The following RFX3 variants were observed in gnomAD, a reference collection of about 807,000 sequenced individuals.
RFX3 encodes the protein transcription factor RFX3.
A neutral mutation model predicts 98.6 loss-of-function variants in RFX3; 14 were observed. That is an observed-to-expected ratio of 0.14 (90% CI 0.09 to 0.22). The LOEUF (loss-of-function observed/expected upper bound fraction) is 0.22, where lower values mean the gene tolerates loss of function less well. Among genes scored for constraint, RFX3 ranks in the 10% least tolerant of loss-of-function variants. RFX3 has a pLI of 1.00. For synonymous variants in RFX3, 383 were observed against 328.4 expected (o/e 1.17, Z -1.80); for missense variants, 639 against 926.9 (o/e 0.69, Z 4.03).
At chr9:3,388,704 C>T (rs2131825419) in intron 2 of RFX3, among the ~76,000 whole-genome samples, 1 of 152,138 alleles carries the variant, frequency 6.6e-6, no homozygotes, top group Admixed American at 6.6e-5. Flanking sequence ...GAAACAAACT[C>T]TCTGAGTCCC....
At chr9:3,284,897 C>T (rs972401676) in intron 7 of RFX3, among the ~76,000 whole-genome samples, 1 of 151,672 alleles carries the variant, frequency 6.6e-6, no homozygotes, top group African/African-American at 2.4e-5. Context: ...CGACTCATGG[C>T]TATGTTCCAT....
intron 4 of RFX3, among the ~76,000 whole-genome samples, chr9:3,309,070 C>A (rs1027202279): frequency 1.3e-5 from 2 of 152,114 alleles, no homozygotes; most frequent in Non-Finnish European, 2.9e-5. Context: ...CAAACAATCA[C>A]CTGGCCTTTG....
chr9:3,422,332 T>C (rs1843519085), intron 1 of RFX3, among the ~76,000 whole-genome samples: 1 of 152,206 alleles, frequency 6.6e-6, no homozygotes, highest in Admixed American at 6.5e-5. Flanking sequence ...TGTGTTGCTG[T>C]TGTTGGTAAT....
chr9:3,334,853 T>C lies in RFX3; in HGVS notation c.216-4336A>G, dbSNP rs192134749. Among the ~76,000 whole-genome samples, 223 of 152,120 alleles carry C rather than the reference T, an allele frequency of 1.5e-3. 1 individual carries two copies. The highest frequency in any genetic ancestry group is 5.0e-3 in the African/African-American group (207 of 41,502). ...TCCTTAGCTGGGCCAGGCGCGGTGG[T>C]TCATGCCCATAATCCCAGCACTTTG... On this transcript the variant is annotated intron_variant, in intron 3 of 16. Transcript: ENST00000617270.
Position 3,493,508 on chromosome 9 carries a change from C to T in RFX3, c.-9+32239G>A, listed in dbSNP as rs572511319. ...GACCATTCTGGCTAACATGGTGAAA[C>T]CCCATCTCTACTAAAAATACAAAAA... On this transcript the variant is annotated intron_variant, in intron 1 of 16. Transcript: ENST00000617270. Among the ~76,000 whole-genome samples the T allele has an allele frequency of 6.1e-4, 93 of 151,742 alleles. 1 individual carries two copies. The highest frequency in any genetic ancestry group is 3.3e-3 in the Admixed American group (50 of 15,214).
chr9:3,415,524 T>C (rs1192970707), intron 1 of RFX3, among the ~76,000 whole-genome samples: 4 of 152,132 alleles, frequency 2.6e-5, no homozygotes, highest in Non-Finnish European at 4.4e-5. Context: ...TGAAGGCAGG[T>C]TGCTGCTGTT....
At chr9:3,348,370 T>C (rs1323449809) in intron 2 of RFX3, among the ~76,000 whole-genome samples, 1 of 152,086 alleles carries the variant, frequency 6.6e-6, no homozygotes, top group Non-Finnish European at 1.5e-5. Context: ...AGTGGAGTCA[T>C]ATGTTGCCAC....
chr9:3,456,323 C>A (rs7861259), intron 1 of RFX3, among the ~76,000 whole-genome samples: 2 of 152,148 alleles, frequency 1.3e-5, no homozygotes, highest in Non-Finnish European at 2.9e-5. Flanking sequence ...TCCACTTGAT[C>A]CGTGGCTAGT....
intron 7 of RFX3, among the ~76,000 whole-genome samples, chr9:3,281,854 A>G (rs1381543581): frequency 6.6e-6 from 1 of 151,792 alleles, no homozygotes; most frequent in African/African-American, 2.4e-5. Context: ...AAACAGTCCA[A>G]TGGAAGGCAA....
rs905282947 is a variant in RFX3, at chr9:3,225,829, A to G, written c.2012-549T>C. On this transcript the variant is annotated intron_variant, in intron 16 of 16. Transcript: ENST00000617270. The stretch of plus-strand genomic sequence containing the variant: ...GGCACTCATCAATGTCACAGTATTA[A>G]ATAAACCCTTAATTTTTATTATAAA... Among the ~76,000 whole-genome samples, 4 of 152,174 alleles carry G rather than the reference A, an allele frequency of 2.6e-5. No individual in the cohort carries two copies. In the South Asian group the frequency reaches 8.3e-4, roughly 31 times the overall value.
chr9:3,426,956 A>G (rs954750614), intron 1 of RFX3, among the ~76,000 whole-genome samples: 5 of 152,012 alleles, frequency 3.3e-5, no homozygotes, highest in Non-Finnish European at 4.4e-5. Flanking sequence ...CCTGGTGCCA[A>G]AAAGGTTGGG....
At chr9:3,270,778 T>G (rs544869691) in intron 10 of RFX3, 1 of 681,282 alleles carries the variant, frequency 1.5e-6, no homozygotes, top group African/African-American at 1.8e-5. Context: ...TCCATGAGGA[T>G]GAAATAACTA....
At chr9:3,435,325 T>G (rs1587668317) in intron 1 of RFX3, among the ~76,000 whole-genome samples, 1 of 152,112 alleles carries the variant, frequency 6.6e-6, no homozygotes, top group South Asian at 2.1e-4. Flanking sequence ...ACAAATACAC[T>G]GTACAGCTGT....
At chr9:3,263,513 G>A (rs1307172578) in intron 12 of RFX3, among the ~76,000 whole-genome samples, 1 of 152,088 alleles carries the variant, frequency 6.6e-6, no homozygotes, top group Non-Finnish European at 1.5e-5. Context: ...AATAAAAAGA[G>A]ATCTGGACAT....
Position 3,263,022 on chromosome 9 carries a change from G to C in RFX3, c.1518C>G (p.Ala506=), listed in dbSNP as rs138397915. 20 of 1,613,868 alleles carry C rather than the reference G, an allele frequency of 1.2e-5. No homozygotes were observed. The highest frequency in any genetic ancestry group is 1.7e-5 in the Non-Finnish European group (20 of 1,179,812). ...LRRYTSLNHL[A]QAARAVLQNT... ...TCTGAAGCACTGCACGAGCTGCCTG[G>C]GCCAGGTGATTAAGCGACGTGTATC... The change falls in exon 13 of 17, where the codon GCC becomes GCG. Residue 506 remains alanine (A), a synonymous_variant. Coordinates refer to ENST00000617270, the MANE Select transcript of RFX3 (RefSeq NM_001282116.2).
At position 3,270,517 on chromosome 9, in the gene RFX3, C is replaced by G; in HGVS notation, c.1211G>C (p.Ser404Thr). 6.2e-7 allele frequency: 1 copy of G among 1,612,650 alleles called. No homozygotes were observed. The highest frequency in any genetic ancestry group is 1.3e-5 in the African/African-American group (1 of 74,984). Residue 404 changes from serine (S) to threonine (T), a missense_variant, in exon 11 of 17, where the codon AGT becomes ACT. Physicochemically the swap from Ser to Thr is moderately conservative, Grantham distance 58. Around this residue, in one of 9 missense-constraint regions of RFX3, gnomAD observed 30 missense variants for 23.0 expected, o/e 1.30. Transcript: ENST00000617270. ...GTTITESSNL[S>T]EIESRLPKAK... ...TTTCGGAAGTCGACTTTCTATTTCA[C>G]TCAGATTGCTGGTGTGAATAAATGT...
At chr9:3,457,821 G>T (rs1421589365) in intron 1 of RFX3, among the ~76,000 whole-genome samples, 1 of 151,926 alleles carries the variant, frequency 6.6e-6, no homozygotes. Flanking sequence ...CACCAAACTA[G>T]AGTAAAGAAT....
intron 1 of RFX3, among the ~76,000 whole-genome samples, chr9:3,458,263 C>T (rs1426611719): frequency 6.6e-6 from 1 of 152,162 alleles, no homozygotes. Context: ...GAAGCAAGTG[C>T]TGTCTACAGA....
At position 3,305,180 on chromosome 9, in the gene RFX3, T is replaced by A. The variant is rs554316991; in HGVS notation, c.475-3560A>T. On this transcript the variant is annotated intron_variant, in intron 4 of 16. Coordinates refer to ENST00000617270, the MANE Select transcript of RFX3 (RefSeq NM_001282116.2). ...TTTGGGAAATGGCAAGAAACCTAGT[T>A]TGTAGGGCATGAGCTATAAATATAC... Among the ~76,000 whole-genome samples, 15 of 152,064 alleles carry A rather than the reference T, an allele frequency of 9.9e-5. No homozygotes were observed. The South Asian group carries it at 2.7e-3, about 27-fold the overall frequency.
Sources: allele counts gnomAD v4.1 joint callset (sites outside exome capture counted in the v4.1 genomes callset), GRCh38; gene constraint gnomAD v4.1.1; regional missense constraint gnomAD v4.1.1; transcripts MANE v1.5; gene names NCBI Gene and HGNC (gene_info 2026-07-23, HGNC 2026-07-21).